Variants in GALNT13 observed in about 807,000 individuals in gnomAD.
The protein encoded by GALNT13 is UDP-GalNAc:polypeptide N-acetylgalactosaminyltransferase 13.
Under a neutral mutation model 64.2 loss-of-function variants are expected in GALNT13, and 28 were observed. The observed-to-expected ratio is 0.44, with a 90% confidence interval of 0.32 to 0.60. GALNT13 has a LOEUF of 0.60. GALNT13 is among the 20% of genes least tolerant of loss of function. The pLI is 0.05. For missense variants in GALNT13, 577 were observed against 669.8 expected (o/e 0.86, Z 1.53); for synonymous variants, 214 against 224.6 (o/e 0.95, Z 0.42).
intron 1 of GALNT13, among the ~76,000 whole-genome samples, chr2:153,890,509 A>C (rs1291199383): frequency 6.6e-6 from 1 of 152,012 alleles, no homozygotes; most frequent in Non-Finnish European, 1.5e-5. Context: ...CTGCACCCCA[A>C]CTTAAAACTT....
the GALNT13 span, among the ~76,000 whole-genome samples, chr2:153,155,903 G>A: frequency 6.6e-6 from 1 of 152,052 alleles, no homozygotes; most frequent in African/African-American, 2.4e-5. Context: ...CACTGCATTA[G>A]CTATGTCCCA....
At chr2:153,744,473 C>G in the GALNT13 span, among the ~76,000 whole-genome samples, 1 of 152,084 alleles carries the variant, frequency 6.6e-6, no homozygotes, top group Non-Finnish European at 1.5e-5. Flanking sequence ...ATTTGTATGT[C>G]TTCTTTTGAA....
the GALNT13 span, among the ~76,000 whole-genome samples, chr2:153,455,391 C>G: frequency 6.6e-6 from 1 of 152,192 alleles, no homozygotes; most frequent in African/African-American, 2.4e-5. Context: ...TTACTCAGCT[C>G]ACGGATCTCA....
chr2:153,897,652 T>A (rs563466393), intron 1 of GALNT13, among the ~76,000 whole-genome samples: 1 of 152,126 alleles, frequency 6.6e-6, no homozygotes, highest in Non-Finnish European at 1.5e-5. Context: ...GATCCACTAA[T>A]GTTTTCTTTA....
intron 9 of GALNT13, among the ~76,000 whole-genome samples, chr2:154,335,862 A>G (rs994230317): frequency 2.6e-5 from 4 of 152,068 alleles, no homozygotes; most frequent in Non-Finnish European, 4.4e-5. Context: ...AGTAACAAAT[A>G]TAACCAAAAG....
chr2:154,073,178 G>T (rs1045203194), intron 3 of GALNT13, among the ~76,000 whole-genome samples: 9 of 151,938 alleles, frequency 5.9e-5, no homozygotes, highest in African/African-American at 2.2e-4. Flanking sequence ...AAACAATACT[G>T]GCTTCATCCT....
chr2:153,680,407 C>G, the GALNT13 span, among the ~76,000 whole-genome samples: 1 of 151,596 alleles, frequency 6.6e-6, no homozygotes, highest in African/African-American at 2.4e-5. Flanking sequence ...AAACAGAAGA[C>G]AATAAATAGC....
At chr2:153,631,670 T>C in the GALNT13 span, among the ~76,000 whole-genome samples, 1 of 152,318 alleles carries the variant, frequency 6.6e-6, no homozygotes, top group South Asian at 2.1e-4. Context: ...TTTTTTCTTG[T>C]AAATTTGTTT....
the GALNT13 span, among the ~76,000 whole-genome samples, chr2:153,751,765 G>A: frequency 1.3e-5 from 2 of 148,376 alleles, no homozygotes; most frequent in South Asian, 4.3e-4. Flanking sequence ...AATGGGTCTT[G>A]TTTTTTTTTC....
the GALNT13 span, among the ~76,000 whole-genome samples, chr2:153,261,949 A>T: frequency 6.6e-6 from 1 of 152,242 alleles, no homozygotes; most frequent in East Asian, 1.9e-4. Flanking sequence ...AGTCTCTTAC[A>T]TCAGGGGACT....
the GALNT13 span, among the ~76,000 whole-genome samples, chr2:153,395,238 A>G: frequency 2.0e-5 from 3 of 152,168 alleles, no homozygotes; most frequent in South Asian, 6.2e-4. Context: ...TCATATCCAC[A>G]GGTTAAATTG....
chr2:154,285,421 T>G (rs1252595372), intron 8 of GALNT13, among the ~76,000 whole-genome samples: 2 of 152,152 alleles, frequency 1.3e-5, no homozygotes, highest in Admixed American at 6.6e-5. Context: ...TAGTACAGTT[T>G]TATTCTTTTG....
the GALNT13 span, among the ~76,000 whole-genome samples, chr2:153,763,363 C>T: frequency 6.6e-6 from 1 of 152,132 alleles, no homozygotes; most frequent in African/African-American, 2.4e-5. Context: ...ACCCATATCT[C>T]ACCTTGAATT....
At chr2:153,674,014 AAGG>A in the GALNT13 span, among the ~76,000 whole-genome samples, 1 of 152,234 alleles carries the variant, frequency 6.6e-6, no homozygotes, top group Admixed American at 6.5e-5. Context: ...GGTCCTCTTC[AAGG>A]AGAACTACAA....
At chr2:154,403,037 T>C (rs1349269563) in intron 10 of GALNT13, among the ~76,000 whole-genome samples, 1 of 152,148 alleles carries the variant, frequency 6.6e-6, no homozygotes, top group African/African-American at 2.4e-5. Context: ...TTGAAGACAA[T>C]ATAGCAGATG....
intron 3 of GALNT13, among the ~76,000 whole-genome samples, chr2:154,079,402 C>A (rs982209475): frequency 6.6e-6 from 1 of 151,448 alleles, no homozygotes; most frequent in Non-Finnish European, 1.5e-5. Flanking sequence ...CTTAATTGAG[C>A]CTTTCCTTTT....
At chr2:154,331,361 G>A (rs924407481) in intron 9 of GALNT13, among the ~76,000 whole-genome samples, 4 of 151,948 alleles carry the variant, frequency 2.6e-5, no homozygotes. Flanking sequence ...TTTGGAGTGT[G>A]GTAGAATTAT....
chr2:153,398,868 T>C, the GALNT13 span, among the ~76,000 whole-genome samples: 2 of 135,610 alleles, frequency 1.5e-5, no homozygotes, highest in African/African-American at 5.7e-5. Flanking sequence ...TCCCATGTTG[T>C]AGGTTGCCTG....
the GALNT13 span, among the ~76,000 whole-genome samples, chr2:153,803,802 C>T: frequency 6.6e-6 from 1 of 151,884 alleles, no homozygotes; most frequent in South Asian, 2.1e-4. Context: ...ACAATGGGGG[C>T]CACCTGCAAG....
Sources: allele counts gnomAD v4.1 joint callset (sites outside exome capture counted in the v4.1 genomes callset), GRCh38; gene constraint gnomAD v4.1.1; transcripts MANE v1.5; gene names NCBI Gene and HGNC (gene_info 2026-07-23, HGNC 2026-07-21).